Variants in DUSP15 observed in about 807,000 individuals in gnomAD.
DUSP15 encodes dual specificity phosphatase 15, also known as dual specificity protein phosphatase 15.
In DUSP15, 23 loss-of-function variants were observed where a neutral mutation model predicts 26.3. The ratio of observed to expected loss-of-function variants is 0.87; its 90% CI spans 0.63 to 1.24. The LOEUF is 1.24. Among genes scored for constraint, DUSP15 ranks in the 50% most tolerant of loss-of-function variants. The pLI is 0.00. For missense variants in DUSP15, 364 were observed against 320.6 expected (o/e 1.14, Z -1.03); for synonymous variants, 143 against 135.5 (o/e 1.06, Z -0.39).
downstream of DUSP15, among the ~76,000 whole-genome samples, chr20:31,846,953 C>T (rs1331963852): frequency 4.6e-5 from 7 of 152,226 alleles, no homozygotes; most frequent in Admixed American, 1.3e-4. Flanking sequence ...AACATGGCTG[C>T]GGATTGTCAC....
chr20:31,849,423 T>TC (rs1374774683), intron 8 of DUSP15: 26 of 508,486 alleles, frequency 5.1e-5, no homozygotes, highest in Middle Eastern at 3.0e-4. Flanking sequence ...CTTAGGCCCA[T>TC]CCCCCTGGGC....
At chr20:31,867,652 T>G (rs1196408672) in intron 2 of DUSP15, among the ~76,000 whole-genome samples, 7 of 138,878 alleles carry the variant, frequency 5.0e-5, no homozygotes, top group African/African-American at 8.3e-5. Context: ...TTTTTTTTTT[T>G]TTTTTTTTTT....
intron 3 of DUSP15, among the ~76,000 whole-genome samples, chr20:31,866,133 G>A (rs1273781463): frequency 2.6e-5 from 4 of 152,172 alleles, no homozygotes; most frequent in African/African-American, 9.7e-5. Context: ...GCCTAGAGAA[G>A]GGAAGGACCT....
chr20:31,861,608 A>G lies in DUSP15; in HGVS notation c.503T>C (p.Leu168Pro). Residue 168 changes from leucine (L) to proline (P), a missense_variant, in exon 7 of 7, where the codon CTG (leucine) becomes CCG (proline). Physicochemically the swap from Leu to Pro is moderately conservative, Grantham distance 98. Transcript: ENST00000339738. ...CCGGCAGCGCTTGCACAGCGGCAGC[A>G]GCGCGCGCAACTCCTCCTCGTCGCG... The part of the protein sequence containing the change: ...PFRDEEELRA[L>P]LPLCKRCRQG... The G allele has an allele frequency of 6.8e-7, 1 of 1,477,666 alleles. No individual in the cohort carries two copies. The highest frequency in any genetic ancestry group is 8.9e-7 in the Non-Finnish European group (1 of 1,120,954). The allele number at this position is 1,477,666 out of a possible 1,614,324, so 91.5% of individuals were successfully genotyped here. A position where few individuals can be genotyped will look rare whatever the true frequency, so the allele number is the denominator to read the frequency against.
intron 8 of DUSP15, chr20:31,849,664 T>G (rs2062431564): frequency 1.3e-6 from 2 of 1,528,140 alleles, no homozygotes; most frequent in Admixed American, 3.9e-5. Flanking sequence ...CACCCAGAGC[T>G]GCACACCGCG....
At chr20:31,854,366 G>T (rs1349952292) in intron 6 of DUSP15, among the ~76,000 whole-genome samples, 1 of 152,212 alleles carries the variant, frequency 6.6e-6, no homozygotes, top group Non-Finnish European at 1.5e-5. Flanking sequence ...TGAGGTTGGG[G>T]TGGGTATAAG....
intron 9 of DUSP15, chr20:31,848,731 G>A: frequency 6.6e-7 from 1 of 1,515,924 alleles, no homozygotes. Context: ...GCTGGGACTG[G>A]AGGGAGTGTG....
At chr20:31,848,731 G>C in intron 9 of DUSP15, 1 of 1,515,924 alleles carries the variant, frequency 6.6e-7, no homozygotes, top group Non-Finnish European at 8.9e-7. Flanking sequence ...GCTGGGACTG[G>C]AGGGAGTGTG....
At position 31,861,580 on chromosome 20, in the gene DUSP15, C is replaced by T. The variant is rs2062654242; in HGVS notation, c.531G>A (p.Gln177=). 6.7e-7 allele frequency: 1 copy of T among 1,497,304 alleles called. No individual in the cohort carries two copies. The highest frequency in any genetic ancestry group is 2.2e-5 in the Admixed American group (1 of 46,322). 92.8% of individuals were successfully genotyped at this position (1,497,304 alleles called of 1,614,324 possible). ...ALLPLCKRCR[Q]GSATSASSAG... ...CGGAGGAGGCCGAGGTCGCGGAGCC[C>T]TGCCGGCAGCGCTTGCACAGCGGCA... Residue 177 remains glutamine, a synonymous_variant, in exon 7 of 7, where the codon CAG becomes CAA. Transcript: ENST00000339738.
At chr20:31,858,514 C>CTT (rs1357856169), downstream of DUSP15, among the ~76,000 whole-genome samples, 6 of 152,178 alleles carry the variant, frequency 3.9e-5, no homozygotes, top group African/African-American at 1.4e-4. The surrounding 1 kb of genome is among the most constrained non-coding windows in gnomAD (Gnocchi z 4.4). Context: ...AGGCCCTTTC[C>CTT]TTTTGCACCT....
chr20:31,863,213 C>G (rs1043348195), intron 5 of DUSP15, among the ~76,000 whole-genome samples: 1 of 151,984 alleles, frequency 6.6e-6, no homozygotes, highest in Non-Finnish European at 1.5e-5. Flanking sequence ...GAAGGGGTTC[C>G]CAAGGAATAG....
exon 10 of DUSP15, chr20:31,848,303 C>A: frequency 3.0e-6 from 4 of 1,351,068 alleles, no homozygotes; most frequent in Non-Finnish European, 4.0e-6. Context: ...CCTCTGCCGT[C>A]CGGCAGACCT....
At chr20:31,857,329 T>C (rs1041857834), downstream of DUSP15, among the ~76,000 whole-genome samples, 1 of 152,048 alleles carries the variant, frequency 6.6e-6, no homozygotes, top group Non-Finnish European at 1.5e-5. Flanking sequence ...TTTTTTTTTT[T>C]TTCTTTTTAT....
intron 3 of DUSP15, 100 bp from the exon 4 acceptor site, chr20:31,865,102 T>G: frequency 7.6e-7 from 1 of 1,307,428 alleles, no homozygotes; most frequent in South Asian, 1.2e-5. Context: ...GCCCAGTTCC[T>G]GCCCTTCTCT....
Position 31,870,358 on chromosome 20 carries a change from G to C in DUSP15, c.-21C>G, listed in dbSNP as rs1422514254. 1.6e-6 allele frequency: 2 copies of C among 1,278,192 alleles called. No homozygotes were observed. Among genetic ancestry groups the C allele is most frequent in the Non-Finnish European group, 2.0e-6 (2 of 1,012,860 alleles). The allele number at this position is 1,278,192 out of a possible 1,614,324, so 79.2% of individuals were successfully genotyped here. On this transcript the variant is annotated 5_prime_UTR_variant, in exon 1 of 7. Coordinates refer to ENST00000339738, the MANE Select transcript of DUSP15 (RefSeq NM_080611.5). This position sits in a 1 kb window ranked among gnomAD's most constrained non-coding sequence, Gnocchi z 6.6. ...CCCATGATCCCGGGGGCGGCGGTCC[G>C]GGTGCACCCCCAGCTCGCCGCCCGG...
intron 1 of DUSP15, chr20:31,869,924 G>C: frequency 7.4e-7 from 1 of 1,351,022 alleles, no homozygotes; most frequent in Non-Finnish European, 9.5e-7. Flanking sequence ...GGAAATTCTG[G>C]GGCTGGGGAG....
chr20:31,862,254 C>T (rs149397113), intron 6 of DUSP15, among the ~76,000 whole-genome samples: 59 of 152,278 alleles, frequency 3.9e-4, no homozygotes, highest in African/African-American at 1.4e-3. Context: ...GGACAATTCT[C>T]CCCGATGGGG....
At chr20:31,869,638 C>T (rs2062872176) in intron 1 of DUSP15, 41 bp from the exon 2 acceptor site, 2 of 1,608,290 alleles carry the variant, frequency 1.2e-6, no homozygotes, top group Non-Finnish European at 1.7e-6. Context: ...GCAGGGGCTG[C>T]ACCCCCTTCC....
intron 2 of DUSP15, among the ~76,000 whole-genome samples, chr20:31,868,526 C>G (rs1409811017): frequency 7.6e-6 from 1 of 132,194 alleles, no homozygotes; most frequent in Non-Finnish European, 1.5e-5. Context: ...GTTGCCCAGA[C>G]TGGAGTGCAG....
Sources: allele counts gnomAD v4.1 joint callset (sites outside exome capture counted in the v4.1 genomes callset), GRCh38; gene constraint gnomAD v4.1.1; non-coding constraint Gnocchi (gnomAD v3.1); transcripts MANE v1.5; gene names NCBI Gene and HGNC (gene_info 2026-07-23, HGNC 2026-07-21).